FBXO8: variants seen among roughly 807,000 people sequenced by gnomAD.
The protein encoded by FBXO8 is F-box protein 8.
A neutral mutation model predicts 33.4 loss-of-function variants in FBXO8; 15 were observed. That is an observed-to-expected ratio of 0.45 (90% CI 0.30 to 0.69). The LOEUF is 0.69. Ranked by LOEUF, FBXO8 falls within the 30% of genes least tolerant of loss-of-function variation. The pLI, the probability that FBXO8 is intolerant of heterozygous loss-of-function variation, is 0.08. For synonymous variants in FBXO8, 132 were observed against 131.5 expected (o/e 1.00, Z -0.02); for missense variants, 274 against 380.3 (o/e 0.72, Z 2.32).
Position 174,241,239 on chromosome 4 carries a change from T to C in FBXO8, c.457-21A>G. The C allele has an allele frequency of 7.0e-7, 1 of 1,422,214 alleles. No individual in the cohort carries two copies. Among genetic ancestry groups the C allele is most frequent in the Non-Finnish European group, 9.8e-7 (1 of 1,024,036 alleles). The allele number at this position is 1,422,214 out of a possible 1,614,324, so 88.1% of individuals were successfully genotyped here. ...ACTCCCTAAGGCAGAAAGACAAGTC[T>C]ACATAAATAAAATTGCTCTTTATTT... On this transcript the variant is annotated intron_variant, in intron 3 of 5. Coordinates refer to ENST00000393674, the MANE Select transcript of FBXO8 (RefSeq NM_012180.3). This position sits in a 1 kb window ranked among gnomAD's most constrained non-coding sequence, Gnocchi z 4.2.
intron 3 of FBXO8, among the ~76,000 whole-genome samples, chr4:174,250,206 C>T (rs775915360): frequency 1.4e-4 from 21 of 151,782 alleles, no homozygotes; most frequent in Non-Finnish European, 2.5e-4. Context: ...TTGCTCAGAG[C>T]CAACATTACA....
rs754584135 is a variant in FBXO8, at chr4:174,256,078, G to A, written c.456+3621C>T. Reference sequence around the variant, plus strand: ...ACCCCATGAGCCACTGCCAGCAGCTGCTGTGGAGCTTGGTTACCCATATCC... The same window carrying A: ...ACCCCATGAGCCACTGCCAGCAGCTACTGTGGAGCTTGGTTACCCATATCC... On this transcript the variant is annotated intron_variant, in intron 3 of 5. Transcript: ENST00000393674. This position sits in a 1 kb window ranked among gnomAD's most constrained non-coding sequence, Gnocchi z 4.6. 6.6e-6 allele frequency: 3 copies of A among 455,986 alleles called. No individual in the cohort carries two copies. Among genetic ancestry groups the A allele is most frequent in the South Asian group, 4.6e-5 (3 of 64,542 alleles). The allele number at this position is 455,986 out of a possible 1,614,324, so 28.2% of individuals were successfully genotyped here. A position where few individuals can be genotyped will look rare whatever the true frequency, so the allele number is the denominator to read the frequency against.
chr4:174,238,770 T>TACAC (rs778406641), intron 5 of FBXO8, among the ~76,000 whole-genome samples: 4 of 107,256 alleles, frequency 3.7e-5, no homozygotes, highest in African/African-American at 1.2e-4. Context: ...TATATATATA[T>TACAC]ATACACACAC....
chr4:174,268,245 T>C (rs1012772278), intron 1 of FBXO8, among the ~76,000 whole-genome samples: 1 of 152,210 alleles, frequency 6.6e-6, no homozygotes, highest in African/African-American at 2.4e-5. Flanking sequence ...CCTTACTGTA[T>C]GTGTGTTTCT....
Position 174,278,789 on chromosome 4 carries a change from C to T in FBXO8, c.-9+4621G>A, listed in dbSNP as rs1737009708. 2.6e-5 allele frequency among the ~76,000 whole-genome samples: 4 copies of T among 151,872 alleles called. 2 individuals carry two copies. The South Asian group carries it at 8.3e-4, about 31-fold the overall frequency. Reference sequence around the variant, plus strand: ...TAATTCTCACTGAGTTGCTTTTATACAAATAAAACAAGGTATTAAATTAAA... The same window carrying T: ...TAATTCTCACTGAGTTGCTTTTATATAAATAAAACAAGGTATTAAATTAAA... On this transcript the variant is annotated intron_variant, in intron 1 of 5. Transcript: ENST00000393674. This position sits in a 1 kb window ranked among gnomAD's most constrained non-coding sequence, Gnocchi z 4.1.
chr4:174,241,957 A>C lies in FBXO8; in HGVS notation c.457-739T>G, dbSNP rs535345185. On this transcript the variant is annotated intron_variant, in intron 3 of 5. Coordinates refer to ENST00000393674, the MANE Select transcript of FBXO8 (RefSeq NM_012180.3). This position sits in a 1 kb window ranked among gnomAD's most constrained non-coding sequence, Gnocchi z 4.2. ...CTACTTTAGATTTAAACCACCACCA[A>C]CAAAACACCACCAACAAAAAAATCA... Among the ~76,000 whole-genome samples the C allele has an allele frequency of 9.0e-4, 136 of 151,574 alleles. No homozygotes were observed. Among genetic ancestry groups the C allele is most frequent in the African/African-American group, 2.4e-3 (98 of 41,440 alleles).
rs10026413 is a variant in FBXO8 at position 174,237,717 on chromosome 4, C to T, written c.773-118G>A. 859,905 of 860,964 alleles carry T rather than the reference C, an allele frequency of 1. 429,425 individuals are homozygous for T. Among genetic ancestry groups the T allele is most frequent in the East Asian group, 1 (37,257 of 37,258 alleles). The allele number at this position is 860,964 out of a possible 1,614,324, so 53.3% of individuals were successfully genotyped here. A position where few individuals can be genotyped will look rare whatever the true frequency, so the allele number is the denominator to read the frequency against. On this transcript the variant is annotated intron_variant, in intron 5 of 5. Coordinates refer to ENST00000393674, the MANE Select transcript of FBXO8 (RefSeq NM_012180.3). This position sits in a 1 kb window ranked among gnomAD's most constrained non-coding sequence, Gnocchi z 4.4. ...AGATATCAAGATTAGCTCATAAATA[C>T]AGAGTGACCAATCCATCCCAGTTTG...
At chr4:174,269,128 A>G (rs940046257) in intron 1 of FBXO8, 1 of 152,336 alleles carries the variant, frequency 6.6e-6, no homozygotes, top group African/African-American at 2.4e-5. Flanking sequence ...AATTCTTTCT[A>G]AGGAGCTTCG....
rs1203336813 is a variant in FBXO8, at chr4:174,237,606, A to G, written c.773-7T>C. On this transcript the variant is annotated splice_region_variant and splice_polypyrimidine_tract_variant and intron_variant, in intron 5 of 5. Coordinates refer to ENST00000393674, the MANE Select transcript of FBXO8 (RefSeq NM_012180.3). This position sits in a 1 kb window ranked among gnomAD's most constrained non-coding sequence, Gnocchi z 4.4. ...CACAGTACATAGACAGCATCTGGAA[A>G]GAAAAAGAAACAGTTCAAATTATTA... The G allele has an allele frequency of 6.3e-7, 1 of 1,584,484 alleles. No homozygotes were observed. Among genetic ancestry groups the G allele is most frequent in the Non-Finnish European group, 8.6e-7 (1 of 1,161,038 alleles).
chr4:174,264,082 C>T (rs66919862), intron 1 of FBXO8, among the ~76,000 whole-genome samples: 27,413 of 152,114 alleles, frequency 0.18, 3,000 homozygotes, highest in East Asian at 0.59. Flanking sequence ...TTTATCAACT[C>T]GAGTTGACTA....
Position 174,261,943 on chromosome 4 carries a change from G to A in FBXO8, c.329+821C>T, listed in dbSNP as rs1736573537. On this transcript the variant is annotated intron_variant, in intron 2 of 5. Transcript: ENST00000393674. This position sits in a 1 kb window ranked among gnomAD's most constrained non-coding sequence, Gnocchi z 4.1. ...AGACAAATAAACTTTGGTAAAGGAT[G>A]CTAGAAGGTCTGAGATCCAATGATT... Among the ~76,000 whole-genome samples the A allele has an allele frequency of 6.6e-6, 1 of 152,032 alleles. No homozygotes were observed. Among genetic ancestry groups the A allele is most frequent in the Non-Finnish European group, 1.5e-5 (1 of 67,924 alleles).
Position 174,239,095 on chromosome 4 carries a change from G to A in FBXO8, c.671C>T (p.Pro224Leu), listed in dbSNP as rs1208035852. The A allele has an allele frequency of 6.2e-7, 1 of 1,608,504 alleles. No individual in the cohort carries two copies. Among genetic ancestry groups the A allele is most frequent in the Non-Finnish European group, 8.5e-7 (1 of 1,176,742 alleles). ...TTCAAGATACTCTCCACGCTCTTCAGGGGCATGGATATGACGAAAAAATTC... is the reference window on the plus strand; with the variant it reads ...TTCAAGATACTCTCCACGCTCTTCAAGGGCATGGATATGACGAAAAAATTC... ...LREFFRHIHA[P>L]EERGEYLETL... The change falls in exon 5 of 6, where the codon CCT becomes CTT. Residue 224 changes from proline (P) to leucine (L), a missense_variant. Pro to Leu is a moderately conservative substitution (Grantham distance 98). Around this residue, in one of 2 missense-constraint regions of FBXO8, gnomAD observed 186 missense variants for 293.4 expected, o/e 0.63. Transcript: ENST00000393674.
At position 174,259,647 on chromosome 4, in the gene FBXO8, G is replaced by A; in HGVS notation, c.456+52C>T. 1 of 1,574,108 alleles carries A rather than the reference G, an allele frequency of 6.4e-7. No homozygotes were observed. On this transcript the variant is annotated intron_variant, in intron 3 of 5. Coordinates refer to ENST00000393674, the MANE Select transcript of FBXO8 (RefSeq NM_012180.3). This position sits in a 1 kb window ranked among gnomAD's most constrained non-coding sequence, Gnocchi z 4.3. ...TAGTTTATGATATTGGAAAGCTGCAGCAAGATAGTAATAAAGGTCACTGGA... is the reference window on the plus strand; with the variant it reads ...TAGTTTATGATATTGGAAAGCTGCAACAAGATAGTAATAAAGGTCACTGGA...
chr4:174,275,359 A>T lies in FBXO8; in HGVS notation c.-9+8051T>A, dbSNP rs907316865. 1.3e-5 allele frequency among the ~76,000 whole-genome samples: 2 copies of T among 152,152 alleles called. No homozygotes were observed. The highest frequency in any genetic ancestry group is 4.8e-5 in the African/African-American group (2 of 41,440). ...CATATGTACACTGAGTAAAAATAAA[A>T]CTAGGGGAATATGAGTAAGATGGGG... On this transcript the variant is annotated intron_variant, in intron 1 of 5. Coordinates refer to ENST00000393674, the MANE Select transcript of FBXO8 (RefSeq NM_012180.3). This position sits in a 1 kb window ranked among gnomAD's most constrained non-coding sequence, Gnocchi z 4.4.
chr4:174,282,122 T>C (rs186589588), intron 1 of FBXO8, among the ~76,000 whole-genome samples: 47 of 152,328 alleles, frequency 3.1e-4, no homozygotes, highest in Admixed American at 2.1e-3. Flanking sequence ...ATTCAATGTT[T>C]TTATATTGTA....
Position 174,241,315 on chromosome 4 carries a change from C to T in FBXO8, c.457-97G>A. 1.6e-6 allele frequency: 1 copy of T among 638,712 alleles called. No homozygotes were observed. The highest frequency in any genetic ancestry group is 2.4e-5 in the South Asian group (1 of 40,888). 39.6% of individuals were successfully genotyped at this position (638,712 alleles called of 1,614,324 possible). On this transcript the variant is annotated intron_variant, in intron 3 of 5. Transcript: ENST00000393674. The surrounding 1 kb of genome is among the most constrained non-coding windows in gnomAD (Gnocchi z 4.2). ...CACAACAGTAGCTATAAATTCTTTCCAGCATTAATAGACTTTTTGTAGCTT... is the reference window on the plus strand; with the variant it reads ...CACAACAGTAGCTATAAATTCTTTCTAGCATTAATAGACTTTTTGTAGCTT...
chr4:174,247,872 T>C lies in FBXO8; in HGVS notation c.457-6654A>G, dbSNP rs894457910. ...CTTCTTTTCTACAGTGTTTGAAGAA[T>C]TGCTAAGGTAAATGTAAAATCTATT... is the stretch of plus-strand genomic sequence containing the variant. On this transcript the variant is annotated intron_variant, in intron 3 of 5. Transcript: ENST00000393674. The surrounding 1 kb of genome is among the most constrained non-coding windows in gnomAD (Gnocchi z 4.6). 1.3e-5 allele frequency among the ~76,000 whole-genome samples: 2 copies of C among 152,062 alleles called. No individual in the cohort carries two copies. The highest frequency in any genetic ancestry group is 4.8e-5 in the African/African-American group (2 of 41,432).
chr4:174,240,687 C>T (rs1361332154), intron 4 of FBXO8, among the ~76,000 whole-genome samples: 3 of 151,498 alleles, frequency 2.0e-5, no homozygotes, highest in African/African-American at 4.8e-5. Flanking sequence ...CCTTATATCC[C>T]TAGGATTTGG....
In FBXO8 at chr4:174,270,254, C is replaced by G. The variant is rs1736806932; in HGVS notation, c.-8-7154G>C. Among the ~76,000 whole-genome samples, 1 of 152,190 alleles carries G rather than the reference C, an allele frequency of 6.6e-6. No homozygotes were observed. The highest frequency in any genetic ancestry group is 2.4e-5 in the African/African-American group (1 of 41,452). On this transcript the variant is annotated intron_variant, in intron 1 of 5. Coordinates refer to ENST00000393674, the MANE Select transcript of FBXO8 (RefSeq NM_012180.3). This position sits in a 1 kb window ranked among gnomAD's most constrained non-coding sequence, Gnocchi z 4.6. ...ATCATAGCTTACATTTCAAACTTAA[C>G]TTTCTGTTCCTAAAGTCCTATGCTG...
Sources: allele counts gnomAD v4.1 joint callset (sites outside exome capture counted in the v4.1 genomes callset), GRCh38; gene constraint gnomAD v4.1.1; regional missense constraint gnomAD v4.1.1; non-coding constraint Gnocchi (gnomAD v3.1); transcripts MANE v1.5; gene names NCBI Gene and HGNC (gene_info 2026-07-23, HGNC 2026-07-21).